AFAP1: variants seen among roughly 807,000 people sequenced by gnomAD.
AFAP1 encodes the protein actin filament-associated protein 1.
In AFAP1, 75 loss-of-function variants were observed where a neutral mutation model predicts 93.9. That is an observed-to-expected ratio of 0.80 (90% CI 0.66 to 0.97). AFAP1 has a LOEUF of 0.97. AFAP1 is among the 50% of genes least tolerant of loss of function. The pLI, the probability that AFAP1 is intolerant of heterozygous loss-of-function variation, is 0.00. For missense variants in AFAP1, 1,201 were observed against 1,050.8 expected (o/e 1.14, Z -1.98); for synonymous variants, 517 against 430.7 (o/e 1.20, Z -2.48).
In AFAP1 at chr4:7,774,898, C is replaced by A; in HGVS notation, c.1903G>T (p.Ala635Ser). 1 of 1,606,588 alleles carries A rather than the reference C, an allele frequency of 6.2e-7. No individual in the cohort carries two copies. The highest frequency in any genetic ancestry group is 8.5e-7 in the Non-Finnish European group (1 of 1,178,196). The change falls in exon 15 of 18, where the codon GCC becomes TCC. Residue 635 changes from alanine to serine, a missense_variant. By Grantham distance (99) the Ala-to-Ser change is moderately conservative. Coordinates refer to ENST00000420658, the MANE Select transcript of AFAP1 (RefSeq NM_001134647.2). The stretch of plus-strand genomic sequence containing the variant: ...CGGTTCTTGCCATACTTGTACTGGG[C>A]AGCATCTTGAGAAGAAAAAAAAGCA... ...AVVKRTGSNAAQYKYGKNRVE... is the reference protein window; with the variant it reads ...AVVKRTGSNASQYKYGKNRVE...
intron 1 of AFAP1, among the ~76,000 whole-genome samples, chr4:7,921,151 A>G (rs938673726): frequency 2.1e-5 from 3 of 144,722 alleles, no homozygotes; most frequent in African/African-American, 5.2e-5. Context: ...TCTCAGCTTC[A>G]GTTTCCTACC....
At chr4:7,835,277 G>C (rs1352980936) in intron 6 of AFAP1, among the ~76,000 whole-genome samples, 1 of 37,310 alleles carries the variant, frequency 2.7e-5, no homozygotes, top group Non-Finnish European at 7.2e-5. Context: ...GGTGGCTCTT[G>C]AATGGACTGT....
chr4:7,902,446 G>A (rs530233036), intron 1 of AFAP1, among the ~76,000 whole-genome samples: 7 of 152,328 alleles, frequency 4.6e-5, no homozygotes, highest in African/African-American at 1.7e-4. Context: ...TAGACAGGAA[G>A]CTAAAGTGCC....
At chr4:7,938,838 G>A (rs1313474453) in intron 1 of AFAP1, among the ~76,000 whole-genome samples, 1 of 152,084 alleles carries the variant, frequency 6.6e-6, no homozygotes, top group Non-Finnish European at 1.5e-5. Flanking sequence ...AGCAGGAAGC[G>A]CGGCGGTGGG....
chr4:7,926,838 C>A (rs1487636893), intron 1 of AFAP1, among the ~76,000 whole-genome samples: 1 of 152,166 alleles, frequency 6.6e-6, no homozygotes. Context: ...CTGGTTCAAG[C>A]GATTCTCCCG....
chr4:7,915,681 C>A (rs567752563), intron 1 of AFAP1, among the ~76,000 whole-genome samples: 1 of 152,174 alleles, frequency 6.6e-6, no homozygotes, highest in Non-Finnish European at 1.5e-5. Flanking sequence ...CAACATTAAC[C>A]AGGAATAAGT....
At chr4:7,822,235 C>T (rs1341786179) in intron 6 of AFAP1, among the ~76,000 whole-genome samples, 1 of 152,166 alleles carries the variant, frequency 6.6e-6, no homozygotes, top group Non-Finnish European at 1.5e-5. Flanking sequence ...GGACCACTTG[C>T]TGTTTATGTG....
rs560416843 is a variant in AFAP1, at chr4:7,866,356, C to T, written c.225+2266G>A. 1.2e-4 allele frequency among the ~76,000 whole-genome samples: 19 copies of T among 152,214 alleles called. No individual in the cohort carries two copies. The East Asian group carries it at 2.7e-3, about 22-fold the overall frequency. On this transcript the variant is annotated intron_variant, in intron 3 of 17. Transcript: ENST00000420658. ...GACTACAGCTGCACACCACCACACCCGGCTAATTTTTGTATTTCCTCTACA... is the reference window on the plus strand; with the variant it reads ...GACTACAGCTGCACACCACCACACCTGGCTAATTTTTGTATTTCCTCTACA...
At chr4:7,923,670 G>A (rs1371434945) in intron 1 of AFAP1, among the ~76,000 whole-genome samples, 3 of 152,128 alleles carry the variant, frequency 2.0e-5, no homozygotes, top group South Asian at 2.1e-4. Flanking sequence ...GTAGAAACAG[G>A]GTTTCAGGAT....
intron 7 of AFAP1, among the ~76,000 whole-genome samples, chr4:7,818,751 C>T (rs191901830): frequency 2.6e-5 from 4 of 152,218 alleles, no homozygotes; most frequent in Non-Finnish European, 2.9e-5. Context: ...TTATGAAACG[C>T]CTGCTGTATT....
chr4:7,878,553 C>T (rs868682121), intron 1 of AFAP1, among the ~76,000 whole-genome samples: 43 of 152,192 alleles, frequency 2.8e-4, no homozygotes, highest in African/African-American at 8.2e-4. Flanking sequence ...AGCCAAATCT[C>T]CCTTTACAAT....
chr4:7,888,860 G>A (rs755064609), intron 1 of AFAP1, among the ~76,000 whole-genome samples: 12 of 151,776 alleles, frequency 7.9e-5, no homozygotes, highest in Non-Finnish European at 1.3e-4. Flanking sequence ...GCATGATCTC[G>A]GCTCACTGCA....
intron 1 of AFAP1, among the ~76,000 whole-genome samples, chr4:7,927,921 G>A (rs762238242): frequency 1.3e-5 from 2 of 152,106 alleles, no homozygotes; most frequent in East Asian, 1.9e-4. Context: ...AAATCATGAT[G>A]GAATTGTTCT....
At chr4:7,897,446 T>C (rs1421384266) in intron 1 of AFAP1, among the ~76,000 whole-genome samples, 1 of 152,206 alleles carries the variant, frequency 6.6e-6, no homozygotes, top group Non-Finnish European at 1.5e-5. Context: ...CCGCTAATCC[T>C]ATCTTGGGAA....
intron 1 of AFAP1, among the ~76,000 whole-genome samples, chr4:7,921,180 A>ATTTTTT (rs1355925693): frequency 1.5e-5 from 1 of 68,236 alleles, no homozygotes; most frequent in African/African-American, 1.1e-4. Flanking sequence ...TGAGAGCAAA[A>ATTTTTT]CTTTTTTTTT....
Position 7,768,176 on chromosome 4 carries a change from G to A in AFAP1, c.2418+668C>T, listed in dbSNP as rs576200288. On this transcript the variant is annotated intron_variant, in intron 17 of 17. Transcript: ENST00000420658. ...TCGGGGCGGGGCCGGCCACACTCCT[G>A]TGGCTCCCCAGCTCACACCATCGCA... Among the ~76,000 whole-genome samples, 348 of 152,384 alleles carry A rather than the reference G, an allele frequency of 2.3e-3. 1 individual carries two copies. Among genetic ancestry groups the A allele is most frequent in the Non-Finnish European group, 3.7e-3 (255 of 68,040 alleles).
intron 10 of AFAP1, 149 bp downstream of exon 10, chr4:7,800,293 T>A: frequency 2.6e-6 from 2 of 783,344 alleles, no homozygotes; most frequent in Non-Finnish European, 4.2e-6. Flanking sequence ...ACTCATGGAC[T>A]GGGCAGTGAG....
chr4:7,774,829 G>C lies in AFAP1; in HGVS notation c.1972C>G (p.Leu658Val). 1 of 1,614,192 alleles carries C rather than the reference G, an allele frequency of 6.2e-7. No homozygotes were observed. Among genetic ancestry groups the C allele is most frequent in the African/African-American group, 1.3e-5 (1 of 75,040 alleles). The change falls in exon 15 of 18, where the codon CTG (leucine) becomes GTG (valine). Residue 658 changes from leucine to valine, a missense_variant. Physicochemically the swap from Leu to Val is conservative, Grantham distance 32. Coordinates refer to ENST00000420658, the MANE Select transcript of AFAP1 (RefSeq NM_001134647.2). ...AKRLQTKEEE[L>V]LKRKEALRNR... ...CGCAGGGCCTCTTTCCTCTTCAGCA[G>C]CTCCTCCTCTTTGGTCTGTAGCCGC...
intron 1 of AFAP1, among the ~76,000 whole-genome samples, chr4:7,911,154 C>A (rs367684640): frequency 3.9e-5 from 6 of 152,180 alleles, no homozygotes; most frequent in East Asian, 3.9e-4. Flanking sequence ...CAAGTTACCA[C>A]GAAATGACCC....
Sources: allele counts gnomAD v4.1 joint callset (sites outside exome capture counted in the v4.1 genomes callset), GRCh38; gene constraint gnomAD v4.1.1; transcripts MANE v1.5; gene names NCBI Gene and HGNC (gene_info 2026-07-23, HGNC 2026-07-21).